NMS: variants seen among roughly 807,000 people sequenced by gnomAD.
NMS encodes the protein neuromedin S.
In NMS, 30 loss-of-function variants were observed where a neutral mutation model predicts 32.2. That is an observed-to-expected ratio of 0.93 (90% CI 0.70 to 1.26). The LOEUF is 1.26. Among genes scored for constraint, NMS ranks in the 50% most tolerant of loss-of-function variants. The pLI is 0.00. For synonymous variants in NMS, 76 were observed against 58.5 expected, an observed-to-expected ratio of 1.30 and a Z score of -1.37; for missense variants, 190 against 186.3, an observed-to-expected ratio of 1.02 and a Z score of -0.12.
At chr2:100,479,481 C>A (rs1677175652) in intron 6 of NMS, 54 bp downstream of exon 6, 5 of 1,461,968 alleles carry the variant, frequency 3.4e-6, no homozygotes, top group South Asian at 1.2e-5. Context: ...TTCATTGAAT[C>A]GTGGTAAAAG....
chr2:100,472,902 A>G (rs1677028100), intron 2 of NMS, 52 bp downstream of exon 2: 1 of 1,139,828 alleles, frequency 8.8e-7, no homozygotes, highest in East Asian at 2.3e-5. Context: ...GACCTTGAAT[A>G]CATCATGTGT....
rs866899846 is a variant in NMS, at chr2:100,477,244, G to A, written c.184G>A (p.Asp62Asn). Residue 62 changes from aspartate to asparagine, a missense_variant and splice_region_variant, in exon 4 of 10, where the codon GAT (aspartate) becomes AAT (asparagine). By Grantham distance (23) the Asp-to-Asn change is conservative (BLOSUM62 1). Transcript: ENST00000376865. ...CTTACCCTCACAATTCTCTTTCCAG[G>A]ATAATCAAGACATATACAAAAGGGT... is the stretch of plus-strand genomic sequence containing the variant. ...QWAPLSRQPKDNQDIYKRFLF... is the reference protein window; with the variant it reads ...QWAPLSRQPKNNQDIYKRFLF... The A allele has an allele frequency of 6.2e-7, 1 of 1,613,366 alleles. No homozygotes were observed. The highest frequency in any genetic ancestry group is 8.5e-7 in the Non-Finnish European group (1 of 1,179,386).
At chr2:100,471,593 T>C (rs1677007326) in intron 1 of NMS, among the ~76,000 whole-genome samples, 1 of 152,218 alleles carries the variant, frequency 6.6e-6, no homozygotes, top group Admixed American at 6.5e-5. Flanking sequence ...TTTATGTATC[T>C]TTCTATATGT....
chr2:100,475,515 T>A (rs1451103372), intron 3 of NMS, among the ~76,000 whole-genome samples: 1 of 152,122 alleles, frequency 6.6e-6, no homozygotes, highest in African/African-American at 2.4e-5. Context: ...TGCAATAAGT[T>A]CTTGTGAACA....
chr2:100,478,335 T>C (rs1001662229), intron 5 of NMS, among the ~76,000 whole-genome samples: 2 of 152,224 alleles, frequency 1.3e-5, no homozygotes, highest in Admixed American at 1.3e-4. Flanking sequence ...CTTATTTATA[T>C]GTTCAAGGCT....
At chr2:100,475,795 T>A (rs1265617999) in intron 3 of NMS, among the ~76,000 whole-genome samples, 4 of 150,524 alleles carry the variant, frequency 2.7e-5, no homozygotes, top group African/African-American at 4.9e-5. Context: ...AGGTCAGGAG[T>A]TCGAGACCAG....
chr2:100,471,931 C>G (rs552298549), intron 1 of NMS, among the ~76,000 whole-genome samples: 1 of 151,992 alleles, frequency 6.6e-6, no homozygotes, highest in African/African-American at 2.4e-5. Flanking sequence ...AAACTATGCT[C>G]AGTGCCTTTA....
chr2:100,473,944 G>A (rs959202917), intron 3 of NMS, among the ~76,000 whole-genome samples: 21 of 152,206 alleles, frequency 1.4e-4, no homozygotes, highest in African/African-American at 3.1e-4. Context: ...TTGGGAGGCC[G>A]AGCTGGGCAG....
At chr2:100,483,104 G>A in intron 9 of NMS, 148 bp from the exon 10 acceptor site, 4 of 680,912 alleles carry the variant, frequency 5.9e-6, no homozygotes, top group South Asian at 5.7e-5. Flanking sequence ...TGTAAGTACT[G>A]ATTGTGGGGA....
chr2:100,473,959 C>T (rs1677052867), intron 3 of NMS, among the ~76,000 whole-genome samples: 1 of 152,144 alleles, frequency 6.6e-6, no homozygotes, highest in Non-Finnish European at 1.5e-5. Context: ...GGGCAGATCA[C>T]TTGAGGCCAG....
chr2:100,475,568 G>A (rs1414174128), intron 3 of NMS, among the ~76,000 whole-genome samples: 1 of 152,144 alleles, frequency 6.6e-6, no homozygotes, highest in Non-Finnish European at 1.5e-5. Context: ...TTTATTGACA[G>A]CATGCCACGG....
intron 5 of NMS, 69 bp from the exon 6 acceptor site, chr2:100,479,284 C>T: frequency 8.5e-7 from 1 of 1,170,372 alleles, no homozygotes; most frequent in South Asian, 1.4e-5. Flanking sequence ...TGCGCATAGC[C>T]CTGGGCTCTC....
chr2:100,477,193 A>C (rs1391336938), intron 3 of NMS, 51 bp from the exon 4 acceptor site: 1 of 1,512,196 alleles, frequency 6.6e-7, no homozygotes, highest in Non-Finnish European at 9.2e-7. Flanking sequence ...GTTATCCGTT[A>C]CCTGCCCCTG....
chr2:100,481,012 T>G, intron 7 of NMS, 114 bp from the exon 8 acceptor site: 1 of 985,420 alleles, frequency 1.0e-6, no homozygotes, highest in South Asian at 1.3e-5. Flanking sequence ...TCCCAGAGGT[T>G]GTTGGTGCCA....
At chr2:100,470,800 C>G (rs1676994239) in intron 1 of NMS, among the ~76,000 whole-genome samples, 1 of 152,190 alleles carries the variant, frequency 6.6e-6, no homozygotes, top group African/African-American at 2.4e-5. Context: ...CTGCTCCTGC[C>G]CTAGGGATGT....
intron 1 of NMS, among the ~76,000 whole-genome samples, chr2:100,472,299 G>A (rs974334358): frequency 1.7e-4 from 26 of 152,238 alleles, no homozygotes; most frequent in Middle Eastern, 3.2e-3. Flanking sequence ...AAGGTTGACA[G>A]GGTCCAGCTG....
chr2:100,480,030 G>A (rs1318479905), intron 6 of NMS, among the ~76,000 whole-genome samples: 1 of 152,068 alleles, frequency 6.6e-6, no homozygotes, highest in African/African-American at 2.4e-5. Flanking sequence ...AAATCCCAGG[G>A]CCCCTAGTAC....
chr2:100,471,407 A>C (rs1366362012), intron 1 of NMS, among the ~76,000 whole-genome samples: 1 of 152,212 alleles, frequency 6.6e-6, no homozygotes, highest in Non-Finnish European at 1.5e-5. Flanking sequence ...GCAAAGGACC[A>C]TGAAGGTCAT....
chr2:100,479,432 G>T lies in NMS; in HGVS notation c.336+5G>T. 1 of 1,608,326 alleles carries T rather than the reference G, an allele frequency of 6.2e-7. No homozygotes were observed. The highest frequency in any genetic ancestry group is 8.5e-7 in the Non-Finnish European group (1 of 1,177,018). On this transcript the variant is annotated splice_donor_5th_base_variant and intron_variant, in intron 6 of 9. Coordinates refer to ENST00000376865, the MANE Select transcript of NMS (RefSeq NM_001011717.1). ...ATGAAGAGAATTCTGCAGCGAGTAC[G>T]TGCTTTTATTCTTCCACCATAGTTT...
Sources: gnomAD v4.1 joint callset for allele counts (sites outside exome capture counted in the v4.1 genomes callset) on GRCh38, gnomAD v4.1.1 for gene constraint, MANE v1.5 for transcripts, NCBI Gene and HGNC (gene_info 2026-07-23, HGNC 2026-07-21) for gene names.